The following GPR4 variants were observed in gnomAD, a reference collection of about 807,000 sequenced individuals.
The protein encoded by GPR4 is G protein-coupled receptor 4, also known as G-prodeshotein coupled receptor 4.
GPR4 carries 11 observed loss-of-function variants against 17.8 expected under a neutral mutation model. The observed-to-expected ratio is 0.62, with a 90% CI of 0.39 to 1.02. The LOEUF (loss-of-function observed/expected upper bound fraction) is 1.02, where lower values mean the gene tolerates loss of function less well. GPR4 is among the 50% of genes least tolerant of loss of function. The probability of loss-of-function intolerance (pLI) is 0.00; values close to 1 mark genes in which losing one functional copy is unlikely to be tolerated. For synonymous variants in GPR4, 219 were observed against 222.8 expected (o/e 0.98, Z 0.15); for missense variants, 364 against 495.4 (o/e 0.73, Z 2.52).
chr19:45,596,497 G>A (rs566745513), intron 1 of GPR4, among the ~76,000 whole-genome samples: 93 of 146,298 alleles, frequency 6.4e-4, no homozygotes, highest in African/African-American at 2.3e-3. Flanking sequence ...GAGCCACCGC[G>A]CCCGGGCAAG....
At chr19:45,601,854 ATC>A (rs1294486639) in intron 1 of GPR4, among the ~76,000 whole-genome samples, 1 of 151,986 alleles carries the variant, frequency 6.6e-6, no homozygotes, top group African/African-American at 2.4e-5. Flanking sequence ...AGACAGAGAC[ATC>A]CAGAGACACA....
In GPR4 at chr19:45,594,844, G is replaced by A. The variant is rs1048537290; in HGVS notation, c.-831-2147C>T. 5.1e-4 allele frequency among the ~76,000 whole-genome samples: 34 copies of A among 66,124 alleles called. 4 individuals are homozygous for A. The highest frequency in any genetic ancestry group is 2.0e-3 in the African/African-American group (33 of 16,158). The allele number at this position is 66,124 out of a possible 152,430, so 43.4% of individuals were successfully genotyped here. ...CTAAAAATACAAAAATTAGCTGGGC[G>A]TGGTGGCACATACCTGTAATCCCAG... On this transcript the variant is annotated intron_variant, in intron 1 of 1. Transcript: ENST00000323040.
intron 1 of GPR4, among the ~76,000 whole-genome samples, chr19:45,599,363 C>A (rs542699875): frequency 2.6e-4 from 39 of 152,136 alleles, no homozygotes; most frequent in African/African-American, 7.2e-4. Flanking sequence ...CCAGCCTTGT[C>A]CCCGATGCCA....
rs377558296 is a variant in GPR4, at chr19:45,599,429, C to T, written c.-832+2666G>A. Among the ~76,000 whole-genome samples, 66 of 151,966 alleles carry T rather than the reference C, an allele frequency of 4.3e-4. 1 individual carries two copies. The South Asian group carries it at 0.013, about 31-fold the overall frequency. ...TCTGTGGGCTCCTGCTCCCACCACC[C>T]CCCCCTCCCCGCCTTCTCCCTGCAG... On this transcript the variant is annotated intron_variant, in intron 1 of 1. Transcript: ENST00000323040.
chr19:45,602,094 C>A lies in GPR4; in HGVS notation c.-832+1G>T, dbSNP rs2122553484. On this transcript the variant is annotated splice_donor_variant, in intron 1 of 1. Coordinates refer to ENST00000323040, the MANE Select transcript of GPR4 (RefSeq NM_005282.3). LOFTEE classifies it low-confidence loss of function (5UTR_SPLICE). ...GCAGCCGGGGAGGACCCGGCACTTA[C>A]CTGCGCGCGGCGACTGGACGGGGCG... 6.6e-6 allele frequency: 1 copy of A among 152,396 alleles called. No individual in the cohort carries two copies. Among genetic ancestry groups the A allele is most frequent in the East Asian group, 1.9e-4 (1 of 5,164 alleles). 9.4% of individuals were successfully genotyped at this position (152,396 alleles called of 1,614,324 possible).
intron 1 of GPR4, among the ~76,000 whole-genome samples, chr19:45,599,423 A>ACC (rs1970090427): frequency 1.1e-5 from 1 of 89,370 alleles, no homozygotes; most frequent in Non-Finnish European, 2.4e-5. Flanking sequence ...TCCTGCTCCC[A>ACC]CCACCCCCCC....
Position 45,589,995 on chromosome 19 carries a change from T to G in GPR4, c.*783A>C, listed in dbSNP as rs1352153297. ...GCAGTCTGCCCTGATTGCCCTTCAC[T>G]TGAGTTCTGACATTCTCCCTCTTCA... is the stretch of plus-strand genomic sequence containing the variant. On this transcript the variant is annotated 3_prime_UTR_variant, in exon 2 of 2. Transcript: ENST00000323040. 6.6e-6 allele frequency: 1 copy of G among 152,318 alleles called. No individual in the cohort carries two copies. The highest frequency in any genetic ancestry group is 1.5e-5 in the Non-Finnish European group (1 of 68,106). The allele number at this position is 152,318 out of a possible 1,614,324, so 9.4% of individuals were successfully genotyped here. A position where few individuals can be genotyped will look rare whatever the true frequency, so the allele number is the denominator to read the frequency against.
At chr19:45,601,196 G>T (rs1043078946) in intron 1 of GPR4, among the ~76,000 whole-genome samples, 1 of 152,090 alleles carries the variant, frequency 6.6e-6, no homozygotes, top group Non-Finnish European at 1.5e-5. Context: ...TGCATATCCA[G>T]CCTGAGTACG....
intron 1 of GPR4, among the ~76,000 whole-genome samples, chr19:45,597,036 C>T (rs924974563): frequency 6.6e-6 from 1 of 152,118 alleles, no homozygotes; most frequent in Non-Finnish European, 1.5e-5. Flanking sequence ...CAGCCTCAAA[C>T]CTTTGCACAC....
chr19:45,593,514 A>G (rs1970020434), intron 1 of GPR4, among the ~76,000 whole-genome samples: 1 of 135,628 alleles, frequency 7.4e-6, no homozygotes, highest in Admixed American at 7.4e-5. Flanking sequence ...AAAAAGAAGA[A>G]AAGAAAAAAA....
At chr19:45,596,050 C>T (rs992167206) in intron 1 of GPR4, among the ~76,000 whole-genome samples, 2 of 152,160 alleles carry the variant, frequency 1.3e-5, no homozygotes, top group Non-Finnish European at 2.9e-5. Flanking sequence ...GCGTCTCTCT[C>T]AAACGCCTGC....
At chr19:45,600,314 G>T (rs906933120) in intron 1 of GPR4, among the ~76,000 whole-genome samples, 1 of 152,068 alleles carries the variant, frequency 6.6e-6, no homozygotes, top group Non-Finnish European at 1.5e-5. Context: ...CCCTGTCCCC[G>T]AGGGAACGGT....
chr19:45,594,077 T>TATATATATTTG (rs1555738337), intron 1 of GPR4, among the ~76,000 whole-genome samples: 11 of 90,414 alleles, frequency 1.2e-4, no homozygotes, highest in African/African-American at 6.4e-4. Flanking sequence ...TATATATATA[T>TATATATATTTG]ATATATATAT....
Position 45,591,441 on chromosome 19 carries a change from C to T in GPR4, c.426G>A (p.Trp142Ter), listed in dbSNP as rs1326378593. 6.2e-7 allele frequency: 1 copy of T among 1,606,006 alleles called. No homozygotes were observed. Among genetic ancestry groups the T allele is most frequent in the Admixed American group, 1.8e-5 (1 of 56,604 alleles). Residue 142 changes from tryptophan (W) to a stop codon, truncating the protein, a stop_gained, in exon 2 of 2, where the codon TGG becomes TGA. Coordinates refer to ENST00000323040, the MANE Select transcript of GPR4 (RefSeq NM_005282.3). LOFTEE classifies it high-confidence loss of function. This position sits in a 1 kb window ranked among gnomAD's most constrained non-coding sequence, Gnocchi z 7.6. ...CCGAGTTGGCGCCCAGCTCCGTGGCCCAGACCACGGAGCTCACGGCCACGG... is the reference window on the plus strand; with the variant it reads ...CCGAGTTGGCGCCCAGCTCCGTGGCTCAGACCACGGAGCTCACGGCCACGG... The part of the protein sequence containing the change: ...KTAVAVSSVV[W>*]ATELGANSAP...
At chr19:45,592,789 G>T in intron 1 of GPR4, 92 bp from the exon 2 acceptor site, 1 of 161,560 alleles carries the variant, frequency 6.2e-6, no homozygotes. Context: ...GAACTGCAGA[G>T]ACTGGACACC....
intron 1 of GPR4, among the ~76,000 whole-genome samples, chr19:45,597,044 C>T (rs1352549906): frequency 6.6e-6 from 1 of 152,008 alleles, no homozygotes; most frequent in Non-Finnish European, 1.5e-5. Context: ...AACCTTTGCA[C>T]ACTTACCATA....
Position 45,591,889 on chromosome 19 carries a change from G to A in GPR4, c.-23C>T. On this transcript the variant is annotated 5_prime_UTR_variant, in exon 2 of 2. Transcript: ENST00000323040. This position sits in a 1 kb window ranked among gnomAD's most constrained non-coding sequence, Gnocchi z 7.6. ...CATGGTGGGCACTTCGGCTTCTGGG[G>A]CGCTTCCCCTGGCCCACGGGGGCTG... 2.0e-6 allele frequency: 3 copies of A among 1,535,930 alleles called. No individual in the cohort carries two copies. The highest frequency in any genetic ancestry group is 2.6e-6 in the Non-Finnish European group (3 of 1,139,310).
In GPR4 at chr19:45,594,394, C is replaced by T. The variant is rs563869006; in HGVS notation, c.-831-1697G>A. ...CTGAGATCACGCCATTGCACTCCAG[C>T]GGGGGTGACAGAGCCAGACTCCGTC... On this transcript the variant is annotated intron_variant, in intron 1 of 1. Transcript: ENST00000323040. Among the ~76,000 whole-genome samples the T allele has an allele frequency of 4.9e-3, 591 of 120,602 alleles. 2 individuals are homozygous for T. Among genetic ancestry groups the T allele is most frequent in the Non-Finnish European group, 6.7e-3 (416 of 62,174 alleles). The allele number at this position is 120,602 out of a possible 152,430, so 79.1% of individuals were successfully genotyped here. A position where few individuals can be genotyped will look rare whatever the true frequency, so the allele number is the denominator to read the frequency against.
In GPR4 at chr19:45,591,453, G is replaced by A. The variant is rs923450302; in HGVS notation, c.414C>T (p.Ser138=). The A allele has an allele frequency of 6.2e-7, 1 of 1,607,918 alleles. No homozygotes were observed. ...CCAGCTCCGTGGCCCAGACCACGGA[G>A]CTCACGGCCACGGCGGTCTTGACGC... is the stretch of plus-strand genomic sequence containing the variant. ...LRRVKTAVAV[S]SVVWATELGA... is the part of the protein sequence containing the mutation. The change falls in exon 2 of 2, where the codon AGC becomes AGT. Residue 138 remains serine (S), a synonymous_variant. Transcript: ENST00000323040. The surrounding 1 kb of genome is among the most constrained non-coding windows in gnomAD (Gnocchi z 7.6).
Sources: allele counts gnomAD v4.1 joint callset (sites outside exome capture counted in the v4.1 genomes callset), GRCh38; gene constraint gnomAD v4.1.1; non-coding constraint Gnocchi (gnomAD v3.1); transcripts MANE v1.5; gene names NCBI Gene and HGNC (gene_info 2026-07-23, HGNC 2026-07-21).